YWHAE: variants seen among roughly 807,000 people sequenced by gnomAD.
YWHAE encodes tyrosine 3-monooxygenase/tryptophan 5-monooxygenase activation protein epsilon, also known as 14-3-3 protein epsilon.
In YWHAE, 4 loss-of-function variants were observed where a neutral mutation model predicts 30.1. The observed-to-expected ratio is 0.13, with a 90% CI of 0.07 to 0.30. YWHAE has a LOEUF of 0.30. YWHAE is among the 10% of genes least tolerant of loss of function. The pLI is 1.00. For missense variants in YWHAE, 121 were observed against 315.9 expected (o/e 0.38, Z 4.68); for synonymous variants, 118 against 111.8 (o/e 1.06, Z -0.35).
chr17:1,380,301 G>A (rs901503741), intron 1 of YWHAE, among the ~76,000 whole-genome samples: 1 of 152,026 alleles, frequency 6.6e-6, no homozygotes, highest in Non-Finnish European at 1.5e-5. Flanking sequence ...TAGTAAAGGT[G>A]AGGTTTCACG....
chr17:1,381,910 C>CA (rs397754278), intron 1 of YWHAE, among the ~76,000 whole-genome samples: 5,785 of 43,266 alleles, frequency 0.13, 464 homozygotes, highest in Non-Finnish European at 0.18. Flanking sequence ...GACACTATGT[C>CA]AAAAAAAAAA....
intron 1 of YWHAE, among the ~76,000 whole-genome samples, chr17:1,388,109 T>G (rs1250728574): frequency 3.0e-4 from 14 of 46,794 alleles, no homozygotes; most frequent in East Asian, 1.0e-3. Flanking sequence ...TTGTTTTTTT[T>G]TTTGGTTGGT....
chr17:1,373,468 A>C (rs1239224119), intron 1 of YWHAE, among the ~76,000 whole-genome samples: 2 of 151,644 alleles, frequency 1.3e-5, no homozygotes, highest in African/African-American at 4.8e-5. Context: ...GATGGAGACC[A>C]TCCTGGCTAA....
intron 5 of YWHAE, among the ~76,000 whole-genome samples, chr17:1,347,463 C>T (rs905491212): frequency 7.3e-5 from 11 of 151,526 alleles, no homozygotes; most frequent in African/African-American, 2.2e-4. Flanking sequence ...GGCGGGGCAA[C>T]AAGAGCAAAA....
chr17:1,353,446 A>AAAAAAAAAAAG (rs1246611850), intron 5 of YWHAE, among the ~76,000 whole-genome samples: 33 of 140,780 alleles, frequency 2.3e-4, no homozygotes, highest in African/African-American at 8.1e-4. Flanking sequence ...TCAAAAAAAA[A>AAAAAAAAAAAG]AAAAGAAAAG....
chr17:1,370,858 G>A (rs530186100), intron 1 of YWHAE, among the ~76,000 whole-genome samples: 5 of 152,146 alleles, frequency 3.3e-5, no homozygotes, highest in African/African-American at 1.2e-4. Context: ...AAATCAGCCG[G>A]GCATGGTGGC....
At chr17:1,394,445 A>AAAAAAAAAAAAAAAAAC (rs1567987804) in intron 1 of YWHAE, among the ~76,000 whole-genome samples, 33 of 142,518 alleles carry the variant, frequency 2.3e-4, no homozygotes, top group African/African-American at 8.5e-4. Flanking sequence ...ACAAAAAAAA[A>AAAAAAAAAAAAAAAAAC]AAAAAAAAAA....
At chr17:1,373,391 G>C in intron 1 of YWHAE, among the ~76,000 whole-genome samples, 1 of 152,072 alleles carries the variant, frequency 6.6e-6, no homozygotes, top group Non-Finnish European at 1.5e-5. Context: ...GAGGCCGGGC[G>C]AGGTGGACTC....
intron 5 of YWHAE, among the ~76,000 whole-genome samples, chr17:1,351,413 C>T (rs1272785045): frequency 6.6e-6 from 1 of 151,804 alleles, no homozygotes; most frequent in African/African-American, 2.4e-5. Context: ...ACAGAAAAAA[C>T]TTTCAAGTCA....
chr17:1,378,809 T>C (rs117663648), intron 1 of YWHAE, among the ~76,000 whole-genome samples: 28 of 152,320 alleles, frequency 1.8e-4, no homozygotes, highest in Non-Finnish European at 3.7e-4. Context: ...TAGTTGGGCA[T>C]GGTGGCACAC....
intron 5 of YWHAE, among the ~76,000 whole-genome samples, chr17:1,351,435 T>C (rs1317127776): frequency 6.6e-6 from 1 of 151,532 alleles, no homozygotes; most frequent in African/African-American, 2.4e-5. Context: ...GTCACTTTCA[T>C]TACTTATTAC....
intron 1 of YWHAE, among the ~76,000 whole-genome samples, chr17:1,378,474 CTT>C (rs758555410): frequency 1.2e-4 from 19 of 152,336 alleles, no homozygotes; most frequent in East Asian, 1.9e-4. Context: ...TGACAACTCT[CTT>C]GTTACTATTC....
At chr17:1,354,964 GTT>G (rs56351171) in intron 4 of YWHAE, among the ~76,000 whole-genome samples, 3 of 74,740 alleles carry the variant, frequency 4.0e-5, no homozygotes, top group East Asian at 8.1e-4. Context: ...GCCCAGCCTA[GTT>G]TTTTTTTTTT....
At chr17:1,347,171 CAAA>C (rs11348283) in intron 5 of YWHAE, among the ~76,000 whole-genome samples, 1,917 of 125,452 alleles carry the variant, frequency 0.015, 30 homozygotes, top group East Asian at 0.054. Flanking sequence ...ACTAAAAATA[CAAA>C]AAAAAAAAAA....
At chr17:1,383,791 T>C (rs929165629) in intron 1 of YWHAE, among the ~76,000 whole-genome samples, 2 of 152,026 alleles carry the variant, frequency 1.3e-5, no homozygotes, top group Non-Finnish European at 2.9e-5. Flanking sequence ...TTTCAGAAAA[T>C]AGAGTATTCC....
intron 1 of YWHAE, among the ~76,000 whole-genome samples, chr17:1,385,972 C>A (rs867778992): frequency 2.0e-5 from 3 of 152,122 alleles, no homozygotes; most frequent in Non-Finnish European, 1.5e-5. Context: ...CGTTTACACA[C>A]AAGAAACTCC....
At chr17:1,379,546 C>A (rs2073173987) in intron 1 of YWHAE, among the ~76,000 whole-genome samples, 1 of 152,190 alleles carries the variant, frequency 6.6e-6, no homozygotes. Flanking sequence ...CTATCAACTA[C>A]ACTAATTCTA....
At chr17:1,354,964 G>GT (rs56351171) in intron 4 of YWHAE, among the ~76,000 whole-genome samples, 922 of 74,598 alleles carry the variant, frequency 0.012, 49 homozygotes, top group East Asian at 0.072. Context: ...GCCCAGCCTA[G>GT]TTTTTTTTTT....
At chr17:1,350,580 T>C (rs2072612808) in intron 5 of YWHAE, among the ~76,000 whole-genome samples, 1 of 151,584 alleles carries the variant, frequency 6.6e-6, no homozygotes, top group Admixed American at 6.6e-5. Context: ...TAGCAGGGAT[T>C]ACAGGTGCCC....
Sources: gnomAD v4.1 joint callset for allele counts (sites outside exome capture counted in the v4.1 genomes callset) on GRCh38, gnomAD v4.1.1 for gene constraint, MANE v1.5 for transcripts, NCBI Gene and HGNC (gene_info 2026-07-23, HGNC 2026-07-21) for gene names.